PPP1R12A: variants seen among roughly 807,000 people sequenced by gnomAD.
The protein encoded by PPP1R12A is myosin binding subunit.
A neutral mutation model predicts 139.6 loss-of-function variants in PPP1R12A; 19 were observed. The observed-to-expected ratio is 0.14, with a 90% CI of 0.09 to 0.20. The LOEUF (loss-of-function observed/expected upper bound fraction) is 0.20, where lower values mean the gene tolerates loss of function less well. PPP1R12A is among the 10% of genes least tolerant of loss of function. The pLI is 1.00. For synonymous variants in PPP1R12A, 427 were observed against 420.6 expected (o/e 1.02, Z -0.19); for missense variants, 925 against 1,211.5 (o/e 0.76, Z 3.51).
In PPP1R12A at chr12:79,807,341, A is replaced by T. The variant is rs1311357553; in HGVS notation, c.1551-11T>A. The T allele has an allele frequency of 6.9e-7, 1 of 1,457,414 alleles. No homozygotes were observed. Among genetic ancestry groups the T allele is most frequent in the Non-Finnish European group, 9.4e-7 (1 of 1,063,566 alleles). 90.3% of individuals were successfully genotyped at this position (1,457,414 alleles called of 1,614,324 possible). A position where few individuals can be genotyped will look rare whatever the true frequency, so the allele number is the denominator to read the frequency against. On this transcript the variant is annotated splice_polypyrimidine_tract_variant and intron_variant, in intron 11 of 24. Transcript: ENST00000450142. ...AAACTTGAAGAATCTCTGTTAAAAG[A>T]ACACCCTTCAGATTCTGGTACATAA...
chr12:79,884,489 C>T (rs896251799), intron 1 of PPP1R12A, among the ~76,000 whole-genome samples: 1 of 151,998 alleles, frequency 6.6e-6, no homozygotes, highest in African/African-American at 2.4e-5. Context: ...GTAAATTGTT[C>T]AAACTGTTGT....
intron 1 of PPP1R12A, among the ~76,000 whole-genome samples, chr12:79,912,907 A>G (rs1335470488): frequency 6.6e-6 from 1 of 152,208 alleles, no homozygotes; most frequent in African/African-American, 2.4e-5. Flanking sequence ...ACAACCAAGC[A>G]AGAGATAAAC....
At chr12:79,795,117 G>T (rs1037599311) in intron 18 of PPP1R12A, among the ~76,000 whole-genome samples, 7 of 152,034 alleles carry the variant, frequency 4.6e-5, no homozygotes, top group Admixed American at 4.6e-4. Flanking sequence ...TCAATAAAAG[G>T]TTTATTTTTT....
At chr12:79,848,501 A>G (rs1290659262) in intron 2 of PPP1R12A, among the ~76,000 whole-genome samples, 1 of 152,184 alleles carries the variant, frequency 6.6e-6, no homozygotes, top group Admixed American at 6.5e-5. Context: ...AGGAAATACC[A>G]GGTCAAAGCC....
At chr12:79,779,328 A>C in intron 23 of PPP1R12A, 1 of 1,289,132 alleles carries the variant, frequency 7.8e-7, no homozygotes, top group Non-Finnish European at 1.0e-6. Flanking sequence ...TACCGCCCAG[A>C]AGATACTGAC....
At chr12:79,898,142 C>T (rs1885296707) in intron 1 of PPP1R12A, among the ~76,000 whole-genome samples, 1 of 152,092 alleles carries the variant, frequency 6.6e-6, no homozygotes, top group Non-Finnish European at 1.5e-5. Context: ...ATCCACAATC[C>T]CACTTATAAT....
chr12:79,780,347 A>G (rs183992371), intron 23 of PPP1R12A: 1 of 152,154 alleles, frequency 6.6e-6, no homozygotes. Flanking sequence ...TATTAATACC[A>G]TGATTATAGA....
At position 79,794,144 on chromosome 12, in the gene PPP1R12A, A is replaced by G. The variant is rs546290457; in HGVS notation, c.2584-216T>C. Among the ~76,000 whole-genome samples, 29 of 152,198 alleles carry G rather than the reference A, an allele frequency of 1.9e-4. No homozygotes were observed. The East Asian group carries it at 5.4e-3, about 28-fold the overall frequency. ...AAAATGAATACTGGGGGTAGGGCTC[A>G]TTATACTATTATGTTACTTCTATAA... On this transcript the variant is annotated intron_variant, in intron 18 of 24. Coordinates refer to ENST00000450142, the MANE Select transcript of PPP1R12A (RefSeq NM_002480.3).
intron 14 of PPP1R12A, among the ~76,000 whole-genome samples, chr12:79,802,628 A>G (rs1873326691): frequency 6.6e-6 from 1 of 152,114 alleles, no homozygotes. Flanking sequence ...ACAAAAATTT[A>G]AAAAATTAGC....
intron 1 of PPP1R12A, among the ~76,000 whole-genome samples, chr12:79,922,080 G>T (rs1887481227): frequency 6.6e-6 from 1 of 152,084 alleles, no homozygotes; most frequent in Non-Finnish European, 1.5e-5. Flanking sequence ...GCAAAACCTT[G>T]TCTCTACTAC....
chr12:79,892,017 TG>T (rs1884692597), intron 1 of PPP1R12A, among the ~76,000 whole-genome samples: 1 of 152,202 alleles, frequency 6.6e-6, no homozygotes, highest in Non-Finnish European at 1.5e-5. Context: ...TGTGAGCTAA[TG>T]TTTGGTATTT....
At chr12:79,820,953 C>T in intron 7 of PPP1R12A, 22 bp from the exon 8 acceptor site, 1 of 1,611,084 alleles carries the variant, frequency 6.2e-7, no homozygotes, top group South Asian at 1.1e-5. Flanking sequence ...AAACAGTGTT[C>T]AAATGATTAG....
intron 1 of PPP1R12A, among the ~76,000 whole-genome samples, chr12:79,912,262 A>G (rs914574450): frequency 1.3e-5 from 2 of 152,148 alleles, no homozygotes; most frequent in African/African-American, 4.8e-5. Flanking sequence ...AACACTTTAT[A>G]TTTTTCCTTC....
chr12:79,832,540 A>G, intron 3 of PPP1R12A, 49 bp from the exon 4 acceptor site: 3 of 1,514,484 alleles, frequency 2.0e-6, no homozygotes, highest in South Asian at 1.3e-5. Flanking sequence ...AAATTGTTCC[A>G]TGTTGGGAAA....
At chr12:79,891,048 G>GA (rs1005677042) in intron 1 of PPP1R12A, among the ~76,000 whole-genome samples, 1 of 149,764 alleles carries the variant, frequency 6.7e-6, no homozygotes, top group African/African-American at 2.5e-5. Context: ...GACATGGAAA[G>GA]AAAAAAAAAG....
chr12:79,861,656 C>T (rs796796570), intron 2 of PPP1R12A, among the ~76,000 whole-genome samples: 7 of 152,282 alleles, frequency 4.6e-5, no homozygotes, highest in African/African-American at 1.7e-4. Flanking sequence ...ACCAAAAGAT[C>T]CCCTCCCGTG....
intron 2 of PPP1R12A, among the ~76,000 whole-genome samples, chr12:79,862,699 G>C (rs141720427): frequency 1.2e-3 from 180 of 152,092 alleles, no homozygotes; most frequent in Admixed American, 4.1e-3. Flanking sequence ...AATTCGATCA[G>C]GCAGAAGAAA....
At chr12:79,910,646 C>G (rs1886494894) in intron 1 of PPP1R12A, among the ~76,000 whole-genome samples, 1 of 151,810 alleles carries the variant, frequency 6.6e-6, no homozygotes, top group Non-Finnish European at 1.5e-5. Context: ...AAAGTTAATG[C>G]ATTATTCGAA....
At chr12:79,819,225 A>G (rs1439701733) in intron 8 of PPP1R12A, 4 of 152,228 alleles carry the variant, frequency 2.6e-5, no homozygotes, top group Admixed American at 2.6e-4. Context: ...ATTTAATAGA[A>G]TACTAGAGTT....
Sources: allele counts gnomAD v4.1 joint callset (sites outside exome capture counted in the v4.1 genomes callset), GRCh38; gene constraint gnomAD v4.1.1; transcripts MANE v1.5; gene names NCBI Gene and HGNC (gene_info 2026-07-23, HGNC 2026-07-21).